EYS: variants seen among roughly 807,000 people sequenced by gnomAD.
The protein encoded by EYS is protein eyes shut homolog.
A neutral mutation model predicts 282.1 loss-of-function variants in EYS; 250 were observed. The observed-to-expected ratio is 0.89, with a 90% CI of 0.80 to 0.98. EYS has a LOEUF of 0.98. Among genes scored for constraint, EYS ranks in the 50% least tolerant of loss-of-function variants. The probability of loss-of-function intolerance (pLI) is 0.00; values close to 1 mark genes in which losing one functional copy is unlikely to be tolerated. For synonymous variants in EYS, 1,355 were observed against 1,282.9 expected (o/e 1.06, Z -1.20); for missense variants, 4,016 against 3,709.0 (o/e 1.08, Z -2.15).
At chr6:65,615,634 C>T (rs1766163741) in intron 2 of EYS, among the ~76,000 whole-genome samples, 1 of 151,862 alleles carries the variant, frequency 6.6e-6, no homozygotes, top group Admixed American at 6.6e-5. Context: ...GATATGGTTA[C>T]TTAGCAAAAA....
At chr6:64,801,101 T>C (rs1266255872) in intron 22 of EYS, among the ~76,000 whole-genome samples, 2 of 152,156 alleles carry the variant, frequency 1.3e-5, no homozygotes, top group South Asian at 4.1e-4. Flanking sequence ...AATACATCCT[T>C]ACTTTCAAAA....
At chr6:64,590,160 T>G in intron 26 of EYS, 63 bp downstream of exon 26, 1 of 1,397,604 alleles carries the variant, frequency 7.2e-7, no homozygotes, top group Non-Finnish European at 9.6e-7. Flanking sequence ...GACAGGCTCT[T>G]TCTTCTCTGT....
chr6:65,549,971 G>A (rs987611079), intron 2 of EYS, among the ~76,000 whole-genome samples: 1 of 145,526 alleles, frequency 6.9e-6, no homozygotes, highest in Admixed American at 7.1e-5. Context: ...ATGTCTCAGG[G>A]AGGGGCAAGG....
chr6:65,149,977 G>T (rs1371979404), intron 12 of EYS, among the ~76,000 whole-genome samples: 3 of 152,098 alleles, frequency 2.0e-5, no homozygotes, highest in African/African-American at 7.2e-5. Context: ...GGAGAGAGAA[G>T]TGCCAGCAGG....
chr6:65,125,410 G>C (rs892974779), intron 12 of EYS, among the ~76,000 whole-genome samples: 1 of 152,118 alleles, frequency 6.6e-6, no homozygotes, highest in Admixed American at 6.6e-5. Context: ...CCCATTTGCA[G>C]TTGTTTAGAA....
intron 14 of EYS, among the ~76,000 whole-genome samples, chr6:64,959,875 A>ATTTT (rs35264278): frequency 8.4e-6 from 1 of 119,250 alleles, no homozygotes; most frequent in African/African-American, 3.2e-5. Context: ...ACGACTCAGG[A>ATTTT]TTTTTTTTTT....
intron 2 of EYS, among the ~76,000 whole-genome samples, chr6:65,621,245 G>A (rs1390675238): frequency 6.6e-6 from 1 of 152,044 alleles, no homozygotes; most frequent in Non-Finnish European, 1.5e-5. Context: ...TCCTGTATTG[G>A]GTCCATATAT....
chr6:63,775,282 A>G (rs1770037731), intron 40 of EYS, among the ~76,000 whole-genome samples: 1 of 152,222 alleles, frequency 6.6e-6, no homozygotes, highest in Non-Finnish European at 1.5e-5. Flanking sequence ...TTATGTACCA[A>G]AACAATGCCT....
At chr6:64,247,243 G>T (rs76111144) in intron 30 of EYS, among the ~76,000 whole-genome samples, 2,331 of 152,230 alleles carry the variant, frequency 0.015, 55 homozygotes, top group African/African-American at 0.053. Flanking sequence ...TGAAAGACAA[G>T]TCAGTAATCA....
In EYS at chr6:65,373,698, A is replaced by C. The variant is rs147957010; in HGVS notation, c.1299+10688T>G. Reference sequence around the variant, plus strand: ...TTCAAAAACAAGGCCAAATGGATTCATCTTTTATTATATGGATACACTATA... The same window carrying C: ...TTCAAAAACAAGGCCAAATGGATTCCTCTTTTATTATATGGATACACTATA... On this transcript the variant is annotated intron_variant, in intron 8 of 42. Coordinates refer to ENST00000503581, the MANE Select transcript of EYS (RefSeq NM_001142800.2). 3.8e-3 allele frequency among the ~76,000 whole-genome samples: 580 copies of C among 152,286 alleles called. 16 individuals carry two copies. The highest frequency in any genetic ancestry group is 0.031 in the Admixed American group (473 of 15,270).
chr6:64,303,743 A>AG (rs2150374023), intron 30 of EYS, among the ~76,000 whole-genome samples: 1 of 148,070 alleles, frequency 6.8e-6, no homozygotes, highest in South Asian at 2.2e-4. Flanking sequence ...CGGGAGGCTG[A>AG]GGCAGGAGAA....
intron 29 of EYS, among the ~76,000 whole-genome samples, chr6:64,324,846 G>C (rs1277260914): frequency 6.6e-6 from 1 of 152,064 alleles, no homozygotes; most frequent in Non-Finnish European, 1.5e-5. Context: ...GTCAAATCAA[G>C]AATGTAATCT....
chr6:65,459,940 T>TGA (rs201025022), intron 5 of EYS, among the ~76,000 whole-genome samples: 24,849 of 137,450 alleles, frequency 0.18, 2,910 homozygotes, highest in Middle Eastern at 0.29. Flanking sequence ...CTTTTTCTGG[T>TGA]GCGTGTGTGT....
intron 26 of EYS, among the ~76,000 whole-genome samples, chr6:64,586,376 A>G (rs1347240025): frequency 6.6e-6 from 1 of 152,042 alleles, no homozygotes; most frequent in African/African-American, 2.4e-5. Context: ...CACTTAATGC[A>G]TTTTTTCCAT....
At chr6:64,106,685 T>C (rs932441285) in intron 31 of EYS, among the ~76,000 whole-genome samples, 2 of 151,948 alleles carry the variant, frequency 1.3e-5, no homozygotes, top group African/African-American at 4.8e-5. Context: ...CTTGGTGTTC[T>C]TTGGGCTTCC....
intron 2 of EYS, among the ~76,000 whole-genome samples, chr6:65,546,193 T>G (rs1286086926): frequency 6.6e-6 from 1 of 150,752 alleles, no homozygotes; most frequent in Admixed American, 6.6e-5. Flanking sequence ...TAGTTTTTTT[T>G]TTTTTTTTTT....
At chr6:64,489,456 T>A (rs1776671878) in intron 26 of EYS, among the ~76,000 whole-genome samples, 1 of 149,358 alleles carries the variant, frequency 6.7e-6, no homozygotes, top group African/African-American at 2.4e-5. Context: ...CATTTACTAG[T>A]TATTCAAAAT....
At chr6:64,361,722 G>C (rs995965738) in intron 29 of EYS, among the ~76,000 whole-genome samples, 2 of 151,464 alleles carry the variant, frequency 1.3e-5, no homozygotes, top group Non-Finnish European at 3.0e-5. Context: ...TATAATTTAG[G>C]ACACAACACA....
intron 22 of EYS, among the ~76,000 whole-genome samples, chr6:64,643,051 A>G (rs2149872421): frequency 6.7e-6 from 1 of 149,136 alleles, no homozygotes; most frequent in South Asian, 2.3e-4. Flanking sequence ...GGAGGCAGAG[A>G]TTGTGGTGAG....
Sources: allele counts gnomAD v4.1 joint callset (sites outside exome capture counted in the v4.1 genomes callset), GRCh38; gene constraint gnomAD v4.1.1; transcripts MANE v1.5; gene names NCBI Gene and HGNC (gene_info 2026-07-23, HGNC 2026-07-21).